TBCK: variants seen among roughly 807,000 people sequenced by gnomAD.
The protein encoded by TBCK is TBC1 domain containing kinase, also known as TBC domain-containing protein kinase-like protein.
TBCK carries 99 observed loss-of-function variants against 113.4 expected under a neutral mutation model. The ratio of observed to expected loss-of-function variants is 0.87; its 90% CI spans 0.74 to 1.03. The LOEUF is 1.03. Ranked by LOEUF, TBCK falls within the 50% of genes least tolerant of loss-of-function variation. The pLI is 0.00. For synonymous variants in TBCK, 369 were observed against 370.8 expected (o/e 1.00, Z 0.05); for missense variants, 1,045 against 1,061.3 (o/e 0.98, Z 0.21).
chr4:106,226,013 A>T (rs1758206336), intron 19 of TBCK, among the ~76,000 whole-genome samples: 1 of 152,028 alleles, frequency 6.6e-6, no homozygotes, highest in East Asian at 2.0e-4. Context: ...AAAATACAAA[A>T]ATTAGCCAGA....
chr4:106,047,679 C>G (rs1050048122), intron 25 of TBCK, among the ~76,000 whole-genome samples: 1 of 152,126 alleles, frequency 6.6e-6, no homozygotes, highest in African/African-American at 2.4e-5. Flanking sequence ...GAGCTTCCTT[C>G]TATTTTGTTT....
rs563489612 is a variant in TBCK at position 106,069,246 on chromosome 4, C to T, written c.2572-22566G>A. On this transcript the variant is annotated intron_variant, in intron 25 of 25. Coordinates refer to ENST00000394708, the MANE Select transcript of TBCK (RefSeq NM_001163435.3). ...TGCCTATGTCCTGAATGGTATTGCC[C>T]AGGTTTTCTTCTAGGGTTTTTATGG... is the stretch of plus-strand genomic sequence containing the variant. Among the ~76,000 whole-genome samples, 162 of 152,104 alleles carry T rather than the reference C, an allele frequency of 1.1e-3. 2 individuals are homozygous for T. Among genetic ancestry groups the T allele is most frequent in the Admixed American group, 8.4e-3 (128 of 15,262 alleles).
At chr4:106,233,404 T>A (rs1759089676) in intron 16 of TBCK, among the ~76,000 whole-genome samples, 184 bp downstream of exon 16, 2 of 152,066 alleles carry the variant, frequency 1.3e-5, no homozygotes, top group African/African-American at 4.8e-5. Context: ...TAACTTGACC[T>A]AAAGTCCTTT....
At chr4:106,149,636 G>A (rs897884818) in intron 23 of TBCK, among the ~76,000 whole-genome samples, 4 of 152,000 alleles carry the variant, frequency 2.6e-5, no homozygotes, top group African/African-American at 9.7e-5. Context: ...AAGTACAATA[G>A]CAACATCAAA....
At chr4:106,131,259 C>T (rs953261798) in intron 23 of TBCK, among the ~76,000 whole-genome samples, 1 of 152,220 alleles carries the variant, frequency 6.6e-6, no homozygotes, top group African/African-American at 2.4e-5. Flanking sequence ...GTCAATTAAA[C>T]ATGTTTCCTT....
chr4:106,069,770 C>G (rs1005602218), intron 25 of TBCK, among the ~76,000 whole-genome samples: 75 of 152,286 alleles, frequency 4.9e-4, no homozygotes, highest in African/African-American at 1.8e-3. Flanking sequence ...TTCTTCCTAT[C>G]CATGAGCATG....
chr4:106,316,278 C>G (rs1318011357), upstream of TBCK: 1 of 379,888 alleles, frequency 2.6e-6, no homozygotes, highest in Non-Finnish European at 4.8e-6. Context: ...AGGAAAGACC[C>G]CGACTTGTGG....
intron 23 of TBCK, among the ~76,000 whole-genome samples, chr4:106,147,569 A>C (rs1286230421): frequency 6.6e-6 from 1 of 152,128 alleles, no homozygotes; most frequent in Non-Finnish European, 1.5e-5. Flanking sequence ...ATCTCTAAAC[A>C]TAAATTGTGA....
chr4:106,048,668 T>C (rs1258658817), intron 25 of TBCK, among the ~76,000 whole-genome samples: 1 of 152,116 alleles, frequency 6.6e-6, no homozygotes, highest in Non-Finnish European at 1.5e-5. Context: ...AAGATAAACA[T>C]AACATTACTG....
intron 25 of TBCK, among the ~76,000 whole-genome samples, chr4:106,085,934 G>C (rs1739444865): frequency 2.0e-5 from 3 of 152,136 alleles, no homozygotes; most frequent in Non-Finnish European, 4.4e-5. Flanking sequence ...GAATCCCTGA[G>C]ACACAGTTAA....
chr4:106,265,069 A>G (rs1762866229), intron 3 of TBCK, among the ~76,000 whole-genome samples: 1 of 151,916 alleles, frequency 6.6e-6, no homozygotes, highest in South Asian at 2.1e-4. Context: ...TAATGTGGGC[A>G]TATTTGTGCC....
At chr4:106,080,692 C>A (rs1357889966) in intron 25 of TBCK, among the ~76,000 whole-genome samples, 1 of 152,158 alleles carries the variant, frequency 6.6e-6, no homozygotes, top group African/African-American at 2.4e-5. Context: ...AACTGAAGAG[C>A]TTCTGCACAA....
chr4:106,229,213 G>C (rs941203733), intron 19 of TBCK, among the ~76,000 whole-genome samples: 11 of 151,888 alleles, frequency 7.2e-5, no homozygotes, highest in Non-Finnish European at 2.9e-5. Flanking sequence ...TAACTTTGTT[G>C]ATTGTCTCCT....
intron 25 of TBCK, among the ~76,000 whole-genome samples, chr4:106,065,546 G>C (rs907983329): frequency 6.6e-6 from 1 of 151,958 alleles, no homozygotes; most frequent in Admixed American, 6.6e-5. Context: ...GTCGACATTT[G>C]TTTGGCTTGT....
At chr4:106,147,985 C>T (rs947898613) in intron 23 of TBCK, among the ~76,000 whole-genome samples, 7 of 152,122 alleles carry the variant, frequency 4.6e-5, no homozygotes, top group African/African-American at 1.7e-4. Flanking sequence ...CCCCCCTGGG[C>T]GTGGCCATCT....
chr4:106,208,364 C>T (rs1017232459), intron 20 of TBCK, among the ~76,000 whole-genome samples: 6 of 151,738 alleles, frequency 4.0e-5, no homozygotes, highest in African/African-American at 1.5e-4. Context: ...ACCTACCCTT[C>T]CCTAATTAGT....
intron 3 of TBCK, among the ~76,000 whole-genome samples, chr4:106,265,507 G>A (rs1762913269): frequency 6.6e-6 from 1 of 151,532 alleles, no homozygotes; most frequent in Non-Finnish European, 1.5e-5. Context: ...CTTAATTCCA[G>A]GAGAGAGAGA....
intron 20 of TBCK, among the ~76,000 whole-genome samples, chr4:106,197,427 A>ATATG (rs1754388358): frequency 1.3e-5 from 2 of 148,394 alleles, no homozygotes; most frequent in African/African-American, 4.9e-5. Context: ...ATATATATAT[A>ATATG]TATATAATAC....
chr4:106,220,504 A>T (rs896851210), intron 19 of TBCK, among the ~76,000 whole-genome samples: 1 of 152,096 alleles, frequency 6.6e-6, no homozygotes, highest in African/African-American at 2.4e-5. Flanking sequence ...TACATGTCAC[A>T]TATCCTACAC....
Sources: allele counts gnomAD v4.1 joint callset (sites outside exome capture counted in the v4.1 genomes callset), GRCh38; gene constraint gnomAD v4.1.1; transcripts MANE v1.5; gene names NCBI Gene and HGNC (gene_info 2026-07-23, HGNC 2026-07-21).